SLC1A4: variants seen among roughly 807,000 people sequenced by gnomAD.
The protein encoded by SLC1A4 is neutral amino acid transporter A.
Under a neutral mutation model 37.7 loss-of-function variants are expected in SLC1A4, and 19 were observed. The observed-to-expected ratio is 0.50, with a 90% CI of 0.35 to 0.74. SLC1A4 has a LOEUF of 0.74. Ranked by LOEUF, SLC1A4 falls within the 30% of genes least tolerant of loss-of-function variation. The pLI, the probability that SLC1A4 is intolerant of heterozygous loss-of-function variation, is 0.01. For synonymous variants in SLC1A4, 299 were observed against 309.8 expected (o/e 0.97, Z 0.37); for missense variants, 570 against 712.9 (o/e 0.80, Z 2.28).
chr2:65,014,526 C>A (rs1274214190), intron 4 of SLC1A4, among the ~76,000 whole-genome samples: 2 of 152,196 alleles, frequency 1.3e-5, no homozygotes, highest in Non-Finnish European at 2.9e-5. Flanking sequence ...TCCTGGCCCC[C>A]ACCTGCATGA....
chr2:65,017,274 CTAGGAGTCCACAA>C (rs1314174099), intron 5 of SLC1A4, among the ~76,000 whole-genome samples: 4 of 151,380 alleles, frequency 2.6e-5, no homozygotes. Flanking sequence ...GCTTAGCCCT[CTAGGAGTCCACAA>C]TAGTGTGGGA....
chr2:65,007,775 T>C (rs1322603113), intron 3 of SLC1A4, among the ~76,000 whole-genome samples: 2 of 152,230 alleles, frequency 1.3e-5, no homozygotes, highest in Non-Finnish European at 2.9e-5. Flanking sequence ...TTTGCAAAGA[T>C]CAAATCAGTG....
chr2:64,999,415 T>C (rs996261366), intron 1 of SLC1A4: 3 of 152,254 alleles, frequency 2.0e-5, no homozygotes, highest in African/African-American at 7.2e-5. Flanking sequence ...TTCTAATGCA[T>C]TGATTTTTGC....
At chr2:64,997,301 C>G (rs1673294019) in intron 1 of SLC1A4, among the ~76,000 whole-genome samples, 1 of 152,166 alleles carries the variant, frequency 6.6e-6, no homozygotes, top group African/African-American at 2.4e-5. Context: ...TATTACCATA[C>G]TTTTTTATAT....
Position 64,989,721 on chromosome 2 carries a change from G to T in SLC1A4, c.78G>T (p.Gly26=). 2 of 1,490,238 alleles carry T rather than the reference G, an allele frequency of 1.3e-6. No homozygotes were observed. Among genetic ancestry groups the T allele is most frequent in the Non-Finnish European group, 1.8e-6 (2 of 1,125,680 alleles). 92.3% of individuals were successfully genotyped at this position (1,490,238 alleles called of 1,614,324 possible). The change falls in exon 1 of 8, where the codon GGG becomes GGT. Residue 26 remains glycine (G), a synonymous_variant. Transcript: ENST00000234256. ...CTGCGGCCGGGCCCGGAGCTCCGGG[G>T]ACCGCGGCGGGACGCGCACGGCGTT... ...AGPAAGPGAP[G]TAAGRARRCA...
Position 65,022,069 on chromosome 2 carries a change from C to T in SLC1A4, c.*923C>T, listed in dbSNP as rs1248841077. ...TGATGTAGTTATCACATTCAGGACC[C>T]TTGTTGATTTATCATCTATTATTTG... On this transcript the variant is annotated 3_prime_UTR_variant, in exon 8 of 8. Transcript: ENST00000234256. The T allele has an allele frequency of 6.6e-6, 1 of 152,250 alleles. No homozygotes were observed. The highest frequency in any genetic ancestry group is 2.4e-5 in the African/African-American group (1 of 41,458). 9.4% of individuals were successfully genotyped at this position (152,250 alleles called of 1,614,324 possible).
chr2:65,016,267 CAGG>C (rs1250697379), intron 4 of SLC1A4, among the ~76,000 whole-genome samples, 170 bp from the exon 5 acceptor site: 6 of 152,184 alleles, frequency 3.9e-5, no homozygotes, highest in Non-Finnish European at 7.3e-5. Flanking sequence ...CCCAGTCTCA[CAGG>C]CTGTAAAATG....
chr2:65,004,015 G>C lies in SLC1A4; in HGVS notation c.633G>C (p.Lys211Asn). The change falls in exon 3 of 8, where the codon AAG becomes AAC. Residue 211 changes from lysine (K) to asparagine (N), a missense_variant and splice_region_variant. Lys to Asn is a moderately conservative substitution (Grantham distance 94). Coordinates refer to ENST00000234256, the MANE Select transcript of SLC1A4 (RefSeq NM_003038.5). ...NSSSGNVTHE[K>N]IPIGTEIEGM... ...GCTCTGGAAATGTAACCCATGAAAA[G>C]GTAAAGCTTTTTATAAGGTCACTTG... 6.2e-7 allele frequency: 1 copy of C among 1,610,052 alleles called. No homozygotes were observed. Among genetic ancestry groups the C allele is most frequent in the Non-Finnish European group, 8.5e-7 (1 of 1,176,388 alleles).
Position 65,019,691 on chromosome 2 carries a change from G to C in SLC1A4, c.1364+1012G>C, listed in dbSNP as rs147631062. Among the ~76,000 whole-genome samples the C allele has an allele frequency of 2.4e-4, 37 of 152,286 alleles. No individual in the cohort carries two copies. In the East Asian group the frequency reaches 6.9e-3, roughly 29 times the overall value. ...AATCTGCAAAAGAGACCTGCATTGC[G>C]CAGACACCTCATCAGAGGGAACTCC... On this transcript the variant is annotated intron_variant, in intron 7 of 7. Transcript: ENST00000234256.
intron 1 of SLC1A4, among the ~76,000 whole-genome samples, chr2:64,995,931 G>T (rs1673236964): frequency 6.6e-6 from 1 of 152,180 alleles, no homozygotes; most frequent in East Asian, 1.9e-4. Context: ...CACTGTGTGA[G>T]CTGCATGGGT....
chr2:65,014,844 C>T (rs911024668), intron 4 of SLC1A4, among the ~76,000 whole-genome samples: 6 of 152,160 alleles, frequency 3.9e-5, no homozygotes, highest in African/African-American at 1.4e-4. Context: ...TAAACATCCA[C>T]CAACAGGACG....
At chr2:64,997,585 A>C (rs1458459137) in intron 1 of SLC1A4, among the ~76,000 whole-genome samples, 1 of 152,096 alleles carries the variant, frequency 6.6e-6, no homozygotes, top group African/African-American at 2.4e-5. Flanking sequence ...CTCCTTTGTC[A>C]GTCTTGTTTT....
chr2:64,994,941 A>G (rs1159225161), intron 1 of SLC1A4: 1 of 152,210 alleles, frequency 6.6e-6, no homozygotes, highest in South Asian at 2.1e-4. Context: ...TACATTATTG[A>G]CTGTGGCGGG....
At position 65,018,241 on chromosome 2, in the gene SLC1A4, A is replaced by C. The variant is rs1191911509; in HGVS notation, c.1205A>C (p.Asn402Thr). 1.2e-6 allele frequency: 2 copies of C among 1,613,982 alleles called. No individual in the cohort carries two copies. Among genetic ancestry groups the C allele is most frequent in the Non-Finnish European group, 1.7e-6 (2 of 1,179,896 alleles). Residue 402 changes from asparagine to threonine, a missense_variant, in exon 6 of 8, where the codon AAC (asparagine) becomes ACC (threonine). Transcript: ENST00000234256. The surrounding 1 kb of genome is among the most constrained non-coding windows in gnomAD (Gnocchi z 4.3). The part of the protein sequence containing the change: ...FIAQLNNVEL[N>T]AGQIFTILVT... ...GCGCAACTCAACAACGTAGAGCTCA[A>C]CGCAGGACAGATTTTCACCATTCTG... is the stretch of plus-strand genomic sequence containing the variant.
chr2:65,003,848 G>T, intron 2 of SLC1A4, 105 bp from the exon 3 acceptor site: 1 of 812,874 alleles, frequency 1.2e-6, no homozygotes, highest in Non-Finnish European at 2.1e-6. Flanking sequence ...GACACTCAGT[G>T]TGAACAGTGA....
At chr2:64,988,941 C>G (rs1196511244), upstream of SLC1A4, among the ~76,000 whole-genome samples, 1 of 152,018 alleles carries the variant, frequency 6.6e-6, no homozygotes, top group Admixed American at 6.5e-5. Flanking sequence ...TCTCCCCTCC[C>G]CTCCCTCCCC....
chr2:65,017,826 G>A (rs146177943), intron 5 of SLC1A4, among the ~76,000 whole-genome samples: 248 of 152,336 alleles, frequency 1.6e-3, no homozygotes, highest in African/African-American at 5.1e-3. Context: ...CTTGGAACAC[G>A]TGAATCCAAG....
In SLC1A4 at chr2:64,989,536, C is replaced by A; in HGVS notation, c.-108C>A. On this transcript the variant is annotated 5_prime_UTR_variant, in exon 1 of 8. Coordinates refer to ENST00000234256, the MANE Select transcript of SLC1A4 (RefSeq NM_003038.5). ...CCCGGAGACCCCCGGGGCGGCTTCCCAGAACCTGCGGAGCACAACTGGCCG... is the reference window on the plus strand; with the variant it reads ...CCCGGAGACCCCCGGGGCGGCTTCCAAGAACCTGCGGAGCACAACTGGCCG... 1 of 1,111,428 alleles carries A rather than the reference C, an allele frequency of 9.0e-7. No individual in the cohort carries two copies. The highest frequency in any genetic ancestry group is 1.2e-6 in the Non-Finnish European group (1 of 849,554). The allele number at this position is 1,111,428 out of a possible 1,614,324, so 68.8% of individuals were successfully genotyped here. A position where few individuals can be genotyped will look rare whatever the true frequency, so the allele number is the denominator to read the frequency against.
In SLC1A4 at chr2:65,021,764, G is replaced by C. The variant is rs1182914817; in HGVS notation, c.*618G>C. 6.5e-6 allele frequency: 1 copy of C among 152,730 alleles called. No individual in the cohort carries two copies. The highest frequency in any genetic ancestry group is 1.5e-5 in the Non-Finnish European group (1 of 68,484). 9.5% of individuals were successfully genotyped at this position (152,730 alleles called of 1,614,324 possible). ...TCCAGGTGGGTGTTAGCACTGTGGT[G>C]GTCTCTGGTCCACAGCCTTAGGTAA... On this transcript the variant is annotated 3_prime_UTR_variant, in exon 8 of 8. Coordinates refer to ENST00000234256, the MANE Select transcript of SLC1A4 (RefSeq NM_003038.5).
Sources: allele counts gnomAD v4.1 joint callset (sites outside exome capture counted in the v4.1 genomes callset), GRCh38; gene constraint gnomAD v4.1.1; non-coding constraint Gnocchi (gnomAD v3.1); transcripts MANE v1.5; gene names NCBI Gene and HGNC (gene_info 2026-07-23, HGNC 2026-07-21).